ST6GALNAC2: variants seen among roughly 807,000 people sequenced by gnomAD.
ST6GALNAC2 encodes alpha-N-acetylgalactosaminide alpha-2,6-sialyltransferase 2.
Under a neutral mutation model 38.7 loss-of-function variants are expected in ST6GALNAC2, and 42 were observed. The ratio of observed to expected loss-of-function variants is 1.09; its 90% CI spans 0.85 to 1.40. The LOEUF (loss-of-function observed/expected upper bound fraction) is 1.40, where lower values mean the gene tolerates loss of function less well. Among genes scored for constraint, ST6GALNAC2 ranks in the 40% most tolerant of loss-of-function variants. ST6GALNAC2 has a pLI of 0.00. For missense variants in ST6GALNAC2, 506 were observed against 481.7 expected (o/e 1.05, Z -0.47); for synonymous variants, 233 against 209.0 (o/e 1.11, Z -0.99).
At chr17:76,577,081 T>C (rs1373204168) in intron 2 of ST6GALNAC2, among the ~76,000 whole-genome samples, 1 of 149,458 alleles carries the variant, frequency 6.7e-6, no homozygotes, top group African/African-American at 2.5e-5. Context: ...TTTTTTTTTT[T>C]TTGAGACGGA....
rs373969528 is a variant in ST6GALNAC2, at chr17:76,570,570, C to G, written c.768G>C (p.Gly256=). The part of the protein sequence containing the change: ...GVPVPEGLDK[G]DRPHAYFGPE... ...ACCACGGCCTGGCTGCTCACCTGTC[C>G]CCTTTATCTAGGCCCTCAGGGACAG... Residue 256 remains glycine, a synonymous_variant, in exon 6 of 9, where the codon GGG becomes GGC. Coordinates refer to ENST00000225276, the MANE Select transcript of ST6GALNAC2 (RefSeq NM_006456.3). The G allele has an allele frequency of 3.7e-6, 6 of 1,609,744 alleles. No individual in the cohort carries two copies. The African/African-American group carries it at 8.0e-5, about 22-fold the overall frequency.
Position 76,585,672 on chromosome 17 carries a change from G to A in ST6GALNAC2, c.125+12C>T. On this transcript the variant is annotated intron_variant, in intron 1 of 8. Coordinates refer to ENST00000225276, the MANE Select transcript of ST6GALNAC2 (RefSeq NM_006456.3). The stretch of plus-strand genomic sequence containing the variant: ...CCCTGCGCCCTCCCGCTCTGCGCTC[G>A]GCAGCCCCTACCTGGCTCCGGCCGC... 1 of 1,520,366 alleles carries A rather than the reference G, an allele frequency of 6.6e-7. No homozygotes were observed. The highest frequency in any genetic ancestry group is 8.8e-7 in the Non-Finnish European group (1 of 1,139,514). 94.2% of individuals were successfully genotyped at this position (1,520,366 alleles called of 1,614,324 possible).
chr17:76,577,283 G>A (rs1049549430), intron 2 of ST6GALNAC2, among the ~76,000 whole-genome samples: 23 of 151,532 alleles, frequency 1.5e-4, no homozygotes, highest in African/African-American at 5.1e-4. Flanking sequence ...GACCAGGCTG[G>A]TCTTGAACTC....
chr17:76,577,858 C>T (rs2075434029), intron 2 of ST6GALNAC2, among the ~76,000 whole-genome samples: 1 of 152,132 alleles, frequency 6.6e-6, no homozygotes, highest in Admixed American at 6.5e-5. Context: ...CAGGTGTGAG[C>T]CACCACGTCC....
At position 76,566,155 on chromosome 17, in the gene ST6GALNAC2, G is replaced by T. The variant is rs779716467; in HGVS notation, c.1074C>A (p.Ala358=). Residue 358 remains alanine, a synonymous_variant, in exon 9 of 9, where the codon GCC becomes GCA. Coordinates refer to ENST00000225276, the MANE Select transcript of ST6GALNAC2 (RefSeq NM_006456.3). ...YANHDLSLEA[A]LWRDLHKAGI... The stretch of plus-strand genomic sequence containing the variant: ...CGGCCTTGTGCAGGTCCCTCCACAG[G>T]GCAGCTTCCAGGGACAGATCGTGGT... 6.2e-7 allele frequency: 1 copy of T among 1,614,080 alleles called. No homozygotes were observed.
rs772964799 is a variant in ST6GALNAC2 at position 76,572,770 on chromosome 17, T to G, written c.536A>C (p.Asn179Thr). Reference sequence around the variant, plus strand: ...CTCGAAGCCTTTGATCACAGCTCCATTGAGTCTGGTTGGCACAGAGGCCCA... The same window carrying G: ...CTCGAAGCCTTTGATCACAGCTCCAGTGAGTCTGGTTGGCACAGAGGCCCA... ...IDAHDYVFRL[N>T]GAVIKGFERD... The change falls in exon 5 of 9, where the codon AAT (asparagine) becomes ACT (threonine). Residue 179 changes from asparagine to threonine, a missense_variant. Transcript: ENST00000225276. 1.9e-6 allele frequency: 3 copies of G among 1,614,104 alleles called. No homozygotes were observed. The highest frequency in any genetic ancestry group is 2.5e-6 in the Non-Finnish European group (3 of 1,180,016).
rs765625750 is a variant in ST6GALNAC2 at position 76,572,807 on chromosome 17, G to T, written c.531-32C>A. The T allele has an allele frequency of 2.5e-6, 4 of 1,613,084 alleles. No individual in the cohort carries two copies. In the East Asian group the frequency reaches 8.9e-5, roughly 36 times the overall value. ...GGCACAGAGGCCCATCAGTGTCTGC[G>T]GTTACACCAGGCCGTCTGTTCTGCT... On this transcript the variant is annotated intron_variant, in intron 4 of 8. Coordinates refer to ENST00000225276, the MANE Select transcript of ST6GALNAC2 (RefSeq NM_006456.3).
In ST6GALNAC2 at chr17:76,573,799, G is replaced by A. The variant is rs1457155984; in HGVS notation, c.362-436C>T. Among the ~76,000 whole-genome samples, 1 of 152,134 alleles carries A rather than the reference G, an allele frequency of 6.6e-6. No homozygotes were observed. The highest frequency in any genetic ancestry group is 2.1e-4 in the South Asian group (1 of 4,824). On this transcript the variant is annotated intron_variant, in intron 3 of 8. Transcript: ENST00000225276. This position sits in a 1 kb window ranked among gnomAD's most constrained non-coding sequence, Gnocchi z 5.1. ...AAAAATTAGCCAGGCGTGGTGGTGC[G>A]TGCCTAATCCCAGCTACTTGGGAGG...
intron 2 of ST6GALNAC2, among the ~76,000 whole-genome samples, chr17:76,575,089 G>A (rs1473811466): frequency 6.6e-6 from 1 of 152,132 alleles, no homozygotes; most frequent in Non-Finnish European, 1.5e-5. Context: ...TGGTGGTTCT[G>A]GCCTCACACT....
chr17:76,578,946 TC>T, intron 1 of ST6GALNAC2, 130 bp from the exon 2 acceptor site: 1 of 673,534 alleles, frequency 1.5e-6, no homozygotes, highest in Non-Finnish European at 2.5e-6. Flanking sequence ...GTGGCTCACA[TC>T]TGTAATCCCA....
chr17:76,585,443 G>A (rs762547070), intron 1 of ST6GALNAC2, among the ~76,000 whole-genome samples: 8 of 152,264 alleles, frequency 5.3e-5, no homozygotes, highest in Non-Finnish European at 1.2e-4. Context: ...CCAGTGCACA[G>A]GGGCGAGGTC....
At position 76,568,961 on chromosome 17, in the gene ST6GALNAC2, CG is replaced by C. The variant is rs1432348708; in HGVS notation, c.774-166del. The C allele has an allele frequency of 1.1e-5, 7 of 619,990 alleles. No homozygotes were observed. The East Asian group carries it at 1.7e-4, about 15-fold the overall frequency. The allele number at this position is 619,990 out of a possible 1,614,324, so 38.4% of individuals were successfully genotyped here. The stretch of plus-strand genomic sequence containing the variant: ...GGGGTGTAGAAGGTGGCAGGCAGTA[CG>C]TTGGGGACCACGTGCGGCTTCCCGC... On this transcript the variant is annotated intron_variant, in intron 6 of 8. Coordinates refer to ENST00000225276, the MANE Select transcript of ST6GALNAC2 (RefSeq NM_006456.3).
intron 6 of ST6GALNAC2, chr17:76,569,710 C>T (rs1030831810): frequency 2.6e-6 from 1 of 384,456 alleles, no homozygotes; most frequent in Non-Finnish European, 4.6e-6. Flanking sequence ...GGCCCAAGCC[C>T]AGCGTGTCAC....
At chr17:76,567,332 G>A in intron 8 of ST6GALNAC2, 121 bp downstream of exon 8, 1 of 699,442 alleles carries the variant, frequency 1.4e-6, no homozygotes, top group East Asian at 2.6e-5. Flanking sequence ...CTTGGAACTG[G>A]GGATTCCACG....
chr17:76,572,906 G>A (rs2075369418), intron 4 of ST6GALNAC2, 131 bp from the exon 5 acceptor site: 1 of 1,153,054 alleles, frequency 8.7e-7, no homozygotes, highest in Admixed American at 1.9e-5. Context: ...GGCAGTACCA[G>A]TGCCCAGTTG....
intron 7 of ST6GALNAC2, 175 bp downstream of exon 7, chr17:76,568,538 G>A: frequency 1.6e-6 from 1 of 633,676 alleles, no homozygotes; most frequent in Non-Finnish European, 2.8e-6. Flanking sequence ...CTCTATCAAG[G>A]TGCTAAATAA....
In ST6GALNAC2 at chr17:76,585,725, G is replaced by A. The variant is rs1433039108; in HGVS notation, c.84C>T (p.Phe28=). ...ACSGLLFALY[F]SAVQRYPGPA... is the part of the protein sequence containing the mutation. ...GCCCCGGGTACCGCTGCACCGCCGA[G>A]AAGTACAGGGCAAAGAGGAGCCCCG... Residue 28 remains phenylalanine, a synonymous_variant, in exon 1 of 9, where the codon TTC becomes TTT. Coordinates refer to ENST00000225276, the MANE Select transcript of ST6GALNAC2 (RefSeq NM_006456.3). 10 of 1,540,452 alleles carry A rather than the reference G, an allele frequency of 6.5e-6. No homozygotes were observed. Among genetic ancestry groups the A allele is most frequent in the Non-Finnish European group, 7.9e-6 (9 of 1,145,918 alleles).
intron 6 of ST6GALNAC2, 93 bp from the exon 7 acceptor site, chr17:76,568,889 G>T: frequency 8.0e-7 from 1 of 1,243,108 alleles, no homozygotes; most frequent in Non-Finnish European, 1.2e-6. Context: ...GAGTAGCCGC[G>T]GTACCCTGAG....
At chr17:76,584,130 T>C (rs2075514912) in intron 1 of ST6GALNAC2, among the ~76,000 whole-genome samples, 1 of 151,630 alleles carries the variant, frequency 6.6e-6, no homozygotes, top group South Asian at 2.1e-4. Flanking sequence ...AGTGTGATAT[T>C]TCAATACGTG....
Sources: allele counts gnomAD v4.1 joint callset (sites outside exome capture counted in the v4.1 genomes callset), GRCh38; gene constraint gnomAD v4.1.1; non-coding constraint Gnocchi (gnomAD v3.1); transcripts MANE v1.5; gene names NCBI Gene and HGNC (gene_info 2026-07-23, HGNC 2026-07-21).